The following SOX13 variants were observed in gnomAD, a reference collection of about 807,000 sequenced individuals.
SOX13 encodes the protein transcription factor SOX-13.
SOX13 carries 28 observed loss-of-function variants against 71.8 expected under a neutral mutation model. The observed-to-expected ratio is 0.39, with a 90% CI of 0.29 to 0.53. The LOEUF is 0.53. Among genes scored for constraint, SOX13 ranks in the 20% least tolerant of loss-of-function variants. The probability of loss-of-function intolerance (pLI) is 0.70; values close to 1 mark genes in which losing one functional copy is unlikely to be tolerated. For missense variants in SOX13, 627 were observed against 810.3 expected, an observed-to-expected ratio of 0.77 and a Z score of 2.75; for synonymous variants, 309 against 317.8, an observed-to-expected ratio of 0.97 and a Z score of 0.29.
At chr1:204,094,718 C>T (rs371462161) in intron 1 of SOX13, among the ~76,000 whole-genome samples, 2 of 152,160 alleles carry the variant, frequency 1.3e-5, no homozygotes, top group South Asian at 2.1e-4. Flanking sequence ...CCGTGGAGCA[C>T]GGGCAGCTCC....
chr1:204,086,720 T>C (rs1656029162), intron 1 of SOX13, among the ~76,000 whole-genome samples: 1 of 152,178 alleles, frequency 6.6e-6, no homozygotes, highest in Admixed American at 6.5e-5. Context: ...CCTAATTTCT[T>C]TGAGCCATAT....
chr1:204,106,207 C>CA (rs1656467295), intron 1 of SOX13, among the ~76,000 whole-genome samples: 1 of 152,304 alleles, frequency 6.6e-6, no homozygotes, highest in South Asian at 2.1e-4. Context: ...GAAATGGAAT[C>CA]GCTTTGCTGC....
Position 204,081,420 on chromosome 1 carries a change from C to A in SOX13, c.-2+7709C>A, listed in dbSNP as rs1331536655. ...AAGAGGAGTCACGGTTTGACCAGCG[C>A]TAAGAGGGGATGTGGCAGGAAGAGT... On this transcript the variant is annotated intron_variant, in intron 1 of 13. Coordinates refer to ENST00000367204, the MANE Select transcript of SOX13 (RefSeq NM_005686.3). The surrounding 1 kb of genome is among the most constrained non-coding windows in gnomAD (Gnocchi z 4.3). Among the ~76,000 whole-genome samples the A allele has an allele frequency of 1.3e-5, 2 of 152,154 alleles. No individual in the cohort carries two copies. Among genetic ancestry groups the A allele is most frequent in the Admixed American group, 6.5e-5 (1 of 15,280 alleles).
At chr1:204,106,425 C>G (rs1393934003) in intron 1 of SOX13, among the ~76,000 whole-genome samples, 1 of 152,078 alleles carries the variant, frequency 6.6e-6, no homozygotes, top group Non-Finnish European at 1.5e-5. Flanking sequence ...TTATCGAGCA[C>G]TTACTGTGTT....
Position 204,123,659 on chromosome 1 carries a change from A to C in SOX13, c.1232-2A>C, listed in dbSNP as rs1571596475. On this transcript the variant is annotated splice_acceptor_variant, in intron 11 of 13. Coordinates refer to ENST00000367204, the MANE Select transcript of SOX13 (RefSeq NM_005686.3). LOFTEE classifies it high-confidence loss of function. The surrounding 1 kb of genome is among the most constrained non-coding windows in gnomAD (Gnocchi z 5.0). Reference sequence around the variant, plus strand: ...TTGGCTGACTTCACTCCTGTCTCCCAGGCTCCCGCCACTTCCCCGAGTCCC... The same window carrying C: ...TTGGCTGACTTCACTCCTGTCTCCCCGGCTCCCGCCACTTCCCCGAGTCCC... 1.9e-6 allele frequency: 3 copies of C among 1,612,544 alleles called. No homozygotes were observed. The highest frequency in any genetic ancestry group is 2.5e-6 in the Non-Finnish European group (3 of 1,179,408).
chr1:204,124,552 G>A, intron 12 of SOX13, 89 bp from the exon 13 acceptor site: 1 of 1,083,518 alleles, frequency 9.2e-7, no homozygotes, highest in South Asian at 1.4e-5. Flanking sequence ...GACCCACCTG[G>A]GGATCAAGGT....
At chr1:204,082,087 A>G (rs1030294920) in intron 1 of SOX13, among the ~76,000 whole-genome samples, 113 of 104,620 alleles carry the variant, frequency 1.1e-3, no homozygotes, top group African/African-American at 1.4e-3. Flanking sequence ...TGTGGGGGGG[A>G]GGGAAGCTGA....
chr1:204,114,811 G>A (rs1443464663), intron 4 of SOX13, among the ~76,000 whole-genome samples: 1 of 152,174 alleles, frequency 6.6e-6, no homozygotes, highest in East Asian at 1.9e-4. Flanking sequence ...GAGAGGCCTG[G>A]TAGGAATCAA....
chr1:204,121,479 T>A (rs1239382173), intron 7 of SOX13, among the ~76,000 whole-genome samples: 2 of 152,240 alleles, frequency 1.3e-5, no homozygotes, highest in African/African-American at 4.8e-5. Context: ...CAGCCCCTGT[T>A]ATATATCACA....
chr1:204,082,573 C>T (rs1444050461), intron 1 of SOX13, among the ~76,000 whole-genome samples: 1 of 152,146 alleles, frequency 6.6e-6, no homozygotes, highest in Non-Finnish European at 1.5e-5. Flanking sequence ...CCATCCCCCT[C>T]GCCCGGGAGC....
intron 1 of SOX13, among the ~76,000 whole-genome samples, chr1:204,090,098 T>G (rs1256370498): frequency 6.6e-6 from 1 of 151,838 alleles, no homozygotes; most frequent in East Asian, 1.9e-4. Flanking sequence ...TCGGTAGTGG[T>G]TTTTTGCATC....
chr1:204,107,823 G>A (rs562237657), intron 1 of SOX13, among the ~76,000 whole-genome samples: 4 of 152,350 alleles, frequency 2.6e-5, no homozygotes, highest in South Asian at 2.1e-4. Flanking sequence ...AGCACCTGCC[G>A]TTGAGCCAGA....
Position 204,125,883 on chromosome 1 carries a change from A to G in SOX13, c.1618A>G (p.Ser540Gly), listed in dbSNP as rs1656910389. 1 of 1,612,322 alleles carries G rather than the reference A, an allele frequency of 6.2e-7. No individual in the cohort carries two copies. The highest frequency in any genetic ancestry group is 8.5e-7 in the Non-Finnish European group (1 of 1,179,588). ...CCCGCAGGCTGGCCAGGTGCAGATGAGCTCCTCAGATGTCCTGTACCCTCG... is the reference window on the plus strand; with the variant it reads ...CCCGCAGGCTGGCCAGGTGCAGATGGGCTCCTCAGATGTCCTGTACCCTCG... ...IPPQAGQVQM[S>G]SSDVLYPRAA... is the part of the protein sequence containing the mutation. The change falls in exon 14 of 14, where the codon AGC becomes GGC. Residue 540 changes from serine (S) to glycine (G), a missense_variant. Ser to Gly is a moderately conservative substitution (Grantham distance 56). Around this residue, in one of 3 missense-constraint regions of SOX13, gnomAD observed 148 missense variants for 192.7 expected, o/e 0.77. Coordinates refer to ENST00000367204, the MANE Select transcript of SOX13 (RefSeq NM_005686.3).
intron 1 of SOX13, among the ~76,000 whole-genome samples, chr1:204,079,768 G>A (rs1200063038): frequency 6.6e-6 from 1 of 152,196 alleles, no homozygotes; most frequent in Non-Finnish European, 1.5e-5. Flanking sequence ...GCTCACTCCT[G>A]GCAAGAGCAC....
At chr1:204,088,277 C>A (rs1656065164) in intron 1 of SOX13, among the ~76,000 whole-genome samples, 1 of 152,130 alleles carries the variant, frequency 6.6e-6, no homozygotes, top group Non-Finnish European at 1.5e-5. Context: ...CAAGGAGAGG[C>A]ATTGGTGCAA....
intron 9 of SOX13, 66 bp downstream of exon 9, chr1:204,122,465 A>T: frequency 7.4e-7 from 1 of 1,347,048 alleles, no homozygotes; most frequent in Non-Finnish European, 1.0e-6. Flanking sequence ...GCATGATGCG[A>T]CCTTGAGCAG....
rs907038383 is a variant in SOX13 at position 204,126,457 on chromosome 1, AC to A, written c.*325del. The A allele has an allele frequency of 1.1e-5, 4 of 355,840 alleles. No homozygotes were observed. The Admixed American group carries it at 1.7e-4, about 15-fold the overall frequency. The allele number at this position is 355,840 out of a possible 1,614,324, so 22.0% of individuals were successfully genotyped here. ...TCTATCCACCTGGGGTATGGCATCTACCGACCTGTCTCCCTGGGGTCACATG... is the reference window on the plus strand; with the variant it reads ...TCTATCCACCTGGGGTATGGCATCTACGACCTGTCTCCCTGGGGTCACATG... On this transcript the variant is annotated 3_prime_UTR_variant, in exon 14 of 14. Transcript: ENST00000367204.
In SOX13 at chr1:204,086,330, G is replaced by A. The variant is rs907103331; in HGVS notation, c.-2+12619G>A. On this transcript the variant is annotated intron_variant, in intron 1 of 13. Coordinates refer to ENST00000367204, the MANE Select transcript of SOX13 (RefSeq NM_005686.3). ...AAATTTTTTTTGTTTTTGAAATGGAGTCTCGCTGTGTCGCCCAGGCTGGAA... is the reference window on the plus strand; with the variant it reads ...AAATTTTTTTTGTTTTTGAAATGGAATCTCGCTGTGTCGCCCAGGCTGGAA... Among the ~76,000 whole-genome samples, 6 of 152,246 alleles carry A rather than the reference G, an allele frequency of 3.9e-5. No individual in the cohort carries two copies. The South Asian group carries it at 8.3e-4, about 21-fold the overall frequency.
rs1286910151 is a variant in SOX13, at chr1:204,121,977, C to A, written c.853C>A (p.Pro285Thr). Residue 285 changes from proline to threonine, a missense_variant, in exon 8 of 14, where the codon CCC becomes ACC. By Grantham distance (38) the Pro-to-Thr change is conservative. This residue lies in a region of SOX13 where 447 missense variants were observed against 532.2 expected (regional missense o/e 0.84). Transcript: ENST00000367204. ...KRPGAMATHH[P>T]LQEPSQPLNL... ...GCCTGGGGCCATGGCCACCCACCACCCCCTGCAGGTACCGCCCTCTACCCA... is the reference window on the plus strand; with the variant it reads ...GCCTGGGGCCATGGCCACCCACCACACCCTGCAGGTACCGCCCTCTACCCA... 3 of 1,603,518 alleles carry A rather than the reference C, an allele frequency of 1.9e-6. No individual in the cohort carries two copies. In the South Asian group the frequency reaches 3.3e-5, roughly 18 times the overall value.
Sources: allele counts gnomAD v4.1 joint callset (sites outside exome capture counted in the v4.1 genomes callset), GRCh38; gene constraint gnomAD v4.1.1; regional missense constraint gnomAD v4.1.1; non-coding constraint Gnocchi (gnomAD v3.1); transcripts MANE v1.5; gene names NCBI Gene and HGNC (gene_info 2026-07-23, HGNC 2026-07-21).